GAS2: variants seen among roughly 807,000 people sequenced by gnomAD.
GAS2 encodes growth arrest-specific protein 2.
Under a neutral mutation model 37.5 loss-of-function variants are expected in GAS2, and 20 were observed. The ratio of observed to expected loss-of-function variants is 0.53; its 90% confidence interval spans 0.37 to 0.77. The LOEUF is 0.77. Among genes scored for constraint, GAS2 ranks in the 30% least tolerant of loss-of-function variants. The pLI, the probability that GAS2 is intolerant of heterozygous loss-of-function variation, is 0.00. For missense variants in GAS2, 336 were observed against 373.4 expected (o/e 0.90, Z 0.82); for synonymous variants, 144 against 132.2 (o/e 1.09, Z -0.61).
At chr11:22,649,038 A>G (rs1848739085) in intron 1 of GAS2, among the ~76,000 whole-genome samples, 1 of 152,154 alleles carries the variant, frequency 6.6e-6, no homozygotes, top group African/African-American at 2.4e-5. Context: ...ATTCAGTATG[A>G]TATTGGCTGT....
Position 22,812,854 on chromosome 11 carries a change from T to C in GAS2, c.*838T>C, listed in dbSNP as rs192118680. On this transcript the variant is annotated 3_prime_UTR_variant, in exon 8 of 8. Coordinates refer to ENST00000454584, the MANE Select transcript of GAS2 (RefSeq NM_001143830.3). ...TAGTTAATCCTATTTTGCTATGCTTTCTAGTAAAGTAAATTCACTGTAGCT... is the reference window on the plus strand; with the variant it reads ...TAGTTAATCCTATTTTGCTATGCTTCCTAGTAAAGTAAATTCACTGTAGCT... 6.5e-6 allele frequency: 1 copy of C among 152,752 alleles called. No homozygotes were observed. The highest frequency in any genetic ancestry group is 6.5e-5 in the Admixed American group (1 of 15,296). The allele number at this position is 152,752 out of a possible 1,614,324, so 9.5% of individuals were successfully genotyped here. A position where few individuals can be genotyped will look rare whatever the true frequency, so the allele number is the denominator to read the frequency against.
chr11:22,671,887 T>A (rs1849217227), intron 1 of GAS2, among the ~76,000 whole-genome samples: 1 of 152,148 alleles, frequency 6.6e-6, no homozygotes. Flanking sequence ...ATTTTTCATG[T>A]TTCGTATTCA....
At chr11:22,746,223 G>T (rs1467191243) in intron 5 of GAS2, among the ~76,000 whole-genome samples, 5 of 151,980 alleles carry the variant, frequency 3.3e-5, no homozygotes, top group Non-Finnish European at 5.9e-5. Flanking sequence ...ATCAGTTACT[G>T]GTGAAGCTGC....
At chr11:22,627,870 C>A (rs1858685765) in intron 1 of GAS2, among the ~76,000 whole-genome samples, 2 of 151,734 alleles carry the variant, frequency 1.3e-5, no homozygotes, top group African/African-American at 2.4e-5. Context: ...GCCTTCAAGG[C>A]TACAGGAATC....
chr11:22,663,526 C>A (rs337496), upstream of GAS2, among the ~76,000 whole-genome samples: 9 of 152,264 alleles, frequency 5.9e-5, no homozygotes, highest in African/African-American at 1.2e-4. Context: ...ATGCTTATAC[C>A]TAACACAATT....
intron 7 of GAS2, among the ~76,000 whole-genome samples, chr11:22,761,985 T>C (rs981349556): frequency 8.5e-5 from 13 of 152,164 alleles, no homozygotes; most frequent in Non-Finnish European, 1.6e-4. Context: ...ATTTTCCAAA[T>C]GTATTTAACC....
intron 7 of GAS2, among the ~76,000 whole-genome samples, chr11:22,771,089 CTT>C (rs35633661): frequency 6.9e-6 from 1 of 145,416 alleles, no homozygotes; most frequent in African/African-American, 2.5e-5. Context: ...TAATATTTTA[CTT>C]TTTTTTTTTT....
intron 3 of GAS2, among the ~76,000 whole-genome samples, chr11:22,713,823 C>G (rs1851529457): frequency 6.6e-6 from 1 of 152,096 alleles, no homozygotes; most frequent in Non-Finnish European, 1.5e-5. Context: ...TCACCACTAC[C>G]AAGCCAGCAT....
At chr11:22,663,376 C>T (rs746295965), upstream of GAS2, among the ~76,000 whole-genome samples, 6 of 149,776 alleles carry the variant, frequency 4.0e-5, no homozygotes, top group Non-Finnish European at 7.4e-5. Context: ...TGCAGTAAGC[C>T]ATGGCAACGC....
chr11:22,755,540 A>AAGTAGGAACC (rs1290740079), intron 6 of GAS2: 1 of 196,854 alleles, frequency 5.1e-6, no homozygotes, highest in Admixed American at 5.5e-5. Flanking sequence ...AGTCCTCCAA[A>AAGTAGGAACC]AGTAGGAACC....
At chr11:22,654,969 A>G (rs1473947803) in intron 1 of GAS2, among the ~76,000 whole-genome samples, 1 of 152,164 alleles carries the variant, frequency 6.6e-6, no homozygotes, top group Non-Finnish European at 1.5e-5. Flanking sequence ...TTAATAACCA[A>G]ATCTGTCAGA....
chr11:22,754,387 T>C (rs997124217), intron 6 of GAS2, among the ~76,000 whole-genome samples: 2 of 152,048 alleles, frequency 1.3e-5, no homozygotes, highest in Non-Finnish European at 2.9e-5. Flanking sequence ...CTAAATGAGA[T>C]ACAATATGCT....
intron 3 of GAS2, among the ~76,000 whole-genome samples, chr11:22,689,688 A>G (rs91293): frequency 0.38 from 58,278 of 152,054 alleles, 11,756 homozygotes; most frequent in African/African-American, 0.52. Context: ...CTAAATACAA[A>G]TTTAAACAAT....
intron 7 of GAS2, among the ~76,000 whole-genome samples, chr11:22,800,718 G>A (rs1350999825): frequency 6.6e-6 from 1 of 151,994 alleles, no homozygotes; most frequent in Non-Finnish European, 1.5e-5. Context: ...CATTTCATAC[G>A]AATTACGATT....
At chr11:22,715,873 CAGGAAAGAACATAACAAAAA>C (rs1463578446) in intron 3 of GAS2, among the ~76,000 whole-genome samples, 1 of 151,714 alleles carries the variant, frequency 6.6e-6, no homozygotes. Flanking sequence ...ATACCAAAAC[CAGGAAAGAACATAACAAAAA>C]AAAAGAAAAC....
intron 3 of GAS2, among the ~76,000 whole-genome samples, chr11:22,694,020 C>T (rs1027943245): frequency 3.9e-5 from 6 of 151,968 alleles, no homozygotes; most frequent in South Asian, 4.1e-4. Context: ...CAGAGGGTAG[C>T]GGGAAGGAGG....
At chr11:22,667,314 C>T (rs1177805110) in intron 1 of GAS2, 1 of 152,106 alleles carries the variant, frequency 6.6e-6, no homozygotes, top group Non-Finnish European at 1.5e-5. Context: ...GCATGCTCAG[C>T]ATTGTCTGTT....
At chr11:22,659,739 A>G (rs969987699) in intron 1 of GAS2, among the ~76,000 whole-genome samples, 1 of 152,152 alleles carries the variant, frequency 6.6e-6, no homozygotes, top group Non-Finnish European at 1.5e-5. Flanking sequence ...TTTAAATATA[A>G]AATCTTTCTA....
At chr11:22,644,656 T>C (rs1848668122) in intron 1 of GAS2, among the ~76,000 whole-genome samples, 1 of 149,266 alleles carries the variant, frequency 6.7e-6, no homozygotes. Context: ...AGTCTTGCTT[T>C]GTCACCCAGG....
Sources: allele counts gnomAD v4.1 joint callset (sites outside exome capture counted in the v4.1 genomes callset), GRCh38; gene constraint gnomAD v4.1.1; transcripts MANE v1.5; gene names NCBI Gene and HGNC (gene_info 2026-07-23, HGNC 2026-07-21).